Variants in CEP350 observed in about 807,000 individuals in gnomAD.
CEP350 encodes the protein centrosome-associated protein 350.
Under a neutral mutation model 331.8 loss-of-function variants are expected in CEP350, and 126 were observed. That is an observed-to-expected ratio of 0.38 (90% confidence interval 0.33 to 0.44). The LOEUF is 0.44. CEP350 is among the 20% of genes least tolerant of loss of function. The pLI is 1.00. For missense variants in CEP350, 3,406 were observed against 3,634.6 expected (o/e 0.94, Z 1.62); for synonymous variants, 1,200 against 1,259.5 (o/e 0.95, Z 1.00).
chr1:180,077,671 T>TAAAAAAAAAAAAA (rs3067269), intron 28 of CEP350, among the ~76,000 whole-genome samples: 15 of 97,044 alleles, frequency 1.5e-4, no homozygotes, highest in Non-Finnish European at 1.7e-4. Context: ...TCTCAAAAAG[T>TAAAAAAAAAAAAA]AAAAAAAAAA....
intron 19 of CEP350, among the ~76,000 whole-genome samples, chr1:180,042,641 T>C (rs896025095): frequency 8.5e-5 from 13 of 152,224 alleles, no homozygotes; most frequent in African/African-American, 2.9e-4. Context: ...GAACAAATAC[T>C]GAATGGATGG....
At chr1:180,003,985 G>A (rs2148753094) in intron 7 of CEP350, among the ~76,000 whole-genome samples, 1 of 152,182 alleles carries the variant, frequency 6.6e-6, no homozygotes, top group Non-Finnish European at 1.5e-5. Context: ...CATTTCTGTG[G>A]CATTAAGTGT....
At chr1:180,095,475 T>C (rs751227785) in intron 34 of CEP350, 48 bp from the exon 35 acceptor site, 1 of 1,540,142 alleles carries the variant, frequency 6.5e-7, no homozygotes, top group Non-Finnish European at 8.7e-7. Context: ...AAAAAAATGA[T>C]ATGAGGTCCC....
At chr1:180,047,774 A>AAAG (rs1553259419) in intron 21 of CEP350, among the ~76,000 whole-genome samples, 53 of 149,784 alleles carry the variant, frequency 3.5e-4, no homozygotes, top group African/African-American at 1.3e-3. Flanking sequence ...AAAAAAAAAA[A>AAAG]AAAAGAAAAG....
chr1:180,091,557 G>A (rs1171432139), intron 33 of CEP350, among the ~76,000 whole-genome samples: 4 of 152,066 alleles, frequency 2.6e-5, no homozygotes, highest in African/African-American at 4.8e-5. Flanking sequence ...TAGGCTAGGC[G>A]CAGCAGCTCA....
intron 21 of CEP350, among the ~76,000 whole-genome samples, chr1:180,044,928 TA>T: frequency 6.6e-6 from 1 of 151,650 alleles, no homozygotes; most frequent in Admixed American, 6.6e-5. Flanking sequence ...CAAGGTCACA[TA>T]AATAATGATA....
At chr1:180,058,747 C>G (rs114790785) in intron 25 of CEP350, among the ~76,000 whole-genome samples, 1 of 152,080 alleles carries the variant, frequency 6.6e-6, no homozygotes, top group East Asian at 1.9e-4. Flanking sequence ...AAAATATACT[C>G]TTTGATCCAA....
chr1:180,036,003 AAGG>A (rs1656328160), intron 16 of CEP350, among the ~76,000 whole-genome samples: 1 of 152,212 alleles, frequency 6.6e-6, no homozygotes, highest in South Asian at 2.1e-4. Context: ...TGATTCGTGG[AAGG>A]AGATCAAACT....
chr1:180,092,864 T>TA lies in CEP350; in HGVS notation c.6765dup (p.Ser2256IlefsTer15). 1 of 1,567,212 alleles carries TA rather than the reference T, an allele frequency of 6.4e-7. No homozygotes were observed. The highest frequency in any genetic ancestry group is 8.7e-7 in the Non-Finnish European group (1 of 1,154,920). On this transcript the variant is annotated frameshift_variant, in exon 34 of 38. Transcript: ENST00000367607. LOFTEE classifies it high-confidence loss of function. ...CAGATGGCAAGGTTGGAGAATCTAG[T>TA]AAAAAATCAGAAATAAAAGAAATAG... is the stretch of plus-strand genomic sequence containing the variant.
rs776469379 is a variant in CEP350 at position 179,958,578 on chromosome 1, G to A, written c.-14+3436G>A. ...TATCCTTCAGCTCCTGGAACCATGC[G>A]GTGGACCTTCTGGATTCAAAACCTA... On this transcript the variant is annotated intron_variant, in intron 1 of 37. Transcript: ENST00000367607. Among the ~76,000 whole-genome samples, 102 of 152,230 alleles carry A rather than the reference G, an allele frequency of 6.7e-4. 1 individual carries two copies. Among genetic ancestry groups the A allele is most frequent in the Non-Finnish European group, 3.1e-4 (21 of 68,000 alleles).
Position 180,111,169 on chromosome 1 carries a change from C to G in CEP350, c.*8C>G. ...AGAATGCTACTTGTGTGACATCTTGCAAATAAATCGAACGCTGAGTGCTAA... is the reference window on the plus strand; with the variant it reads ...AGAATGCTACTTGTGTGACATCTTGGAAATAAATCGAACGCTGAGTGCTAA... On this transcript the variant is annotated 3_prime_UTR_variant, in exon 38 of 38. Coordinates refer to ENST00000367607, the MANE Select transcript of CEP350 (RefSeq NM_014810.5). The G allele has an allele frequency of 6.2e-7, 1 of 1,613,244 alleles. No homozygotes were observed. The highest frequency in any genetic ancestry group is 8.5e-7 in the Non-Finnish European group (1 of 1,179,352).
intron 25 of CEP350, among the ~76,000 whole-genome samples, chr1:180,059,026 A>G (rs1440283041): frequency 6.6e-6 from 1 of 152,212 alleles, no homozygotes; most frequent in Non-Finnish European, 1.5e-5. Context: ...ACCATTCACC[A>G]TTTTAAAGTG....
chr1:179,970,900 A>C (rs75911421), intron 1 of CEP350, among the ~76,000 whole-genome samples: 20,673 of 152,196 alleles, frequency 0.14, 1,456 homozygotes, highest in South Asian at 0.16. Context: ...AAGACTCAAA[A>C]AGATTTTGTT....
intron 1 of CEP350, among the ~76,000 whole-genome samples, chr1:179,963,751 T>G (rs1650798531): frequency 6.6e-6 from 1 of 152,128 alleles, no homozygotes; most frequent in South Asian, 2.1e-4. Context: ...CCTTGTAGTA[T>G]AGTTTGAAGT....
intron 1 of CEP350, among the ~76,000 whole-genome samples, chr1:179,959,663 A>G (rs1571769588): frequency 6.6e-6 from 1 of 152,094 alleles, no homozygotes; most frequent in African/African-American, 2.4e-5. Context: ...CTGAGGCAGG[A>G]GAATTGCTTG....
At chr1:179,959,428 G>C (rs887117310) in intron 1 of CEP350, among the ~76,000 whole-genome samples, 5 of 152,106 alleles carry the variant, frequency 3.3e-5, no homozygotes, top group Non-Finnish European at 5.9e-5. Context: ...CTCCAGCCTG[G>C]GCAACAGAGC....
At chr1:180,010,357 A>G (rs979176582) in intron 8 of CEP350, among the ~76,000 whole-genome samples, 8 of 148,960 alleles carry the variant, frequency 5.4e-5, no homozygotes, top group African/African-American at 1.5e-4. Context: ...TCATTGATCA[A>G]GGGGCATGAA....
intron 6 of CEP350, among the ~76,000 whole-genome samples, chr1:180,002,514 T>C (rs1653934379): frequency 6.6e-6 from 1 of 151,842 alleles, no homozygotes; most frequent in Non-Finnish European, 1.5e-5. Context: ...ATAGATAAGA[T>C]AGCTAAGGTA....
chr1:180,091,721 T>C (rs1273482888), intron 33 of CEP350, among the ~76,000 whole-genome samples: 1 of 152,044 alleles, frequency 6.6e-6, no homozygotes, highest in Non-Finnish European at 1.5e-5. Context: ...TCCCAGCTAT[T>C]TGCAGGGCTG....
Sources: allele counts gnomAD v4.1 joint callset (sites outside exome capture counted in the v4.1 genomes callset), GRCh38; gene constraint gnomAD v4.1.1; transcripts MANE v1.5; gene names NCBI Gene and HGNC (gene_info 2026-07-23, HGNC 2026-07-21).